Variants in DRC1 observed in about 807,000 individuals in gnomAD.
The protein encoded by DRC1 is dynein regulatory complex protein 1.
Under a neutral mutation model 98.7 loss-of-function variants are expected in DRC1, and 74 were observed. The observed-to-expected ratio is 0.75, with a 90% confidence interval of 0.62 to 0.91. The LOEUF (loss-of-function observed/expected upper bound fraction) is 0.91. DRC1 is among the 40% of genes least tolerant of loss of function. The pLI is 0.00. For synonymous variants in DRC1, 336 were observed against 334.1 expected, an observed-to-expected ratio of 1.01 and a Z score of -0.06; for missense variants, 875 against 886.0, an observed-to-expected ratio of 0.99 and a Z score of 0.16.
chr2:26,427,517 A>G (rs1663317072), intron 4 of DRC1, among the ~76,000 whole-genome samples: 1 of 152,166 alleles, frequency 6.6e-6, no homozygotes, highest in African/African-American at 2.4e-5. Context: ...TGATAATCAC[A>G]TTGGGGTAAA....
chr2:26,415,918 GGA>G (rs1342215564), intron 2 of DRC1, among the ~76,000 whole-genome samples: 2 of 145,884 alleles, frequency 1.4e-5, no homozygotes, highest in African/African-American at 5.2e-5. Context: ...GGTGACAGAG[GGA>G]GACTCTTTCT....
At chr2:26,447,241 T>C (rs1424580328) in intron 10 of DRC1, among the ~76,000 whole-genome samples, 6 of 151,788 alleles carry the variant, frequency 4.0e-5, no homozygotes, top group Non-Finnish European at 7.4e-5. Context: ...GGTGAAACCC[T>C]GTCTCTACTA....
chr2:26,455,400 A>G (rs906040333), intron 16 of DRC1, among the ~76,000 whole-genome samples, 167 bp downstream of exon 16: 1 of 152,188 alleles, frequency 6.6e-6, no homozygotes, highest in Non-Finnish European at 1.5e-5. Context: ...TACTGGCCAA[A>G]GGAGTAGATC....
chr2:26,420,983 C>T lies in DRC1; in HGVS notation c.244-305C>T, dbSNP rs184580773. Among the ~76,000 whole-genome samples the T allele has an allele frequency of 7.9e-5, 12 of 151,522 alleles. No individual in the cohort carries two copies. The East Asian group carries it at 1.4e-3, about 17-fold the overall frequency. On this transcript the variant is annotated intron_variant, in intron 2 of 16. Transcript: ENST00000288710. ...TTCACCATGTTGGCCAAGCTGGTCT[C>T]GAACTCCTGACCTCAAATGCTCCAC... is the stretch of plus-strand genomic sequence containing the variant.
At chr2:26,422,502 G>A (rs1327535257) in intron 3 of DRC1, among the ~76,000 whole-genome samples, 1 of 152,190 alleles carries the variant, frequency 6.6e-6, no homozygotes, top group East Asian at 1.9e-4. Context: ...GTCCAGCAGG[G>A]AGGCATAAGC....
chr2:26,450,112 C>G, intron 12 of DRC1, 27 bp downstream of exon 12: 1 of 1,599,984 alleles, frequency 6.3e-7, no homozygotes, highest in Non-Finnish European at 8.5e-7. Flanking sequence ...TGGGAGGACA[C>G]GGGTGGGGCT....
chr2:26,455,375 G>A, intron 16 of DRC1, 142 bp downstream of exon 16: 1 of 757,780 alleles, frequency 1.3e-6, no homozygotes, highest in South Asian at 1.8e-5. Flanking sequence ...ATCAAGAGTG[G>A]CACCTTGAGA....
rs185503844 is a variant in DRC1 at position 26,410,463 on chromosome 2, G to C, written c.156-3881G>C. Reference sequence around the variant, plus strand: ...ATTTTTGTATTTTTAGTAGAGACAGGGTTTCACCATGTTGGCCAGGCTGGT... The same window carrying C: ...ATTTTTGTATTTTTAGTAGAGACAGCGTTTCACCATGTTGGCCAGGCTGGT... On this transcript the variant is annotated intron_variant, in intron 1 of 16. Coordinates refer to ENST00000288710, the MANE Select transcript of DRC1 (RefSeq NM_145038.5). Among the ~76,000 whole-genome samples the C allele has an allele frequency of 2.8e-3, 424 of 151,886 alleles. 4 individuals are homozygous for C. The highest frequency in any genetic ancestry group is 1.2e-3 in the Non-Finnish European group (83 of 67,978).
At chr2:26,424,726 C>T (rs902527465) in intron 4 of DRC1, among the ~76,000 whole-genome samples, 32 of 152,164 alleles carry the variant, frequency 2.1e-4, no homozygotes, top group Non-Finnish European at 1.5e-4. Context: ...CCGAGGCAGG[C>T]GGATAACTTG....
intron 1 of DRC1, among the ~76,000 whole-genome samples, chr2:26,405,816 A>G (rs1262030243): frequency 1.3e-5 from 2 of 151,850 alleles, no homozygotes; most frequent in Non-Finnish European, 2.9e-5. Context: ...AGCTGCCACC[A>G]CACCCAGCTA....
At position 26,431,916 on chromosome 2, in the gene DRC1, A is replaced by G. The variant is rs879158082; in HGVS notation, c.798A>G (p.Val266=). ...LEYLNNRMKK[V]EDYEKQLNRQ... is the part of the protein sequence containing the mutation. Reference sequence around the variant, plus strand: ...ATCTTAACAACCGCATGAAGAAAGTAGAGGACTATGAGAAGCAGCTGAACA... The same window carrying G: ...ATCTTAACAACCGCATGAAGAAAGTGGAGGACTATGAGAAGCAGCTGAACA... The change falls in exon 7 of 17, where the codon GTA becomes GTG. Residue 266 remains valine, a synonymous_variant. Coordinates refer to ENST00000288710, the MANE Select transcript of DRC1 (RefSeq NM_145038.5). 3 of 1,614,144 alleles carry G rather than the reference A, an allele frequency of 1.9e-6. No homozygotes were observed. The highest frequency in any genetic ancestry group is 2.2e-5 in the East Asian group (1 of 44,882).
intron 3 of DRC1, 139 bp downstream of exon 3, chr2:26,421,539 C>A: frequency 2.1e-6 from 1 of 483,982 alleles, no homozygotes; most frequent in South Asian, 4.3e-5. Flanking sequence ...CCCTCCCTCC[C>A]TCCTCTTCTT....
intron 1 of DRC1, among the ~76,000 whole-genome samples, chr2:26,404,447 G>C (rs1371910578): frequency 4.6e-5 from 7 of 152,214 alleles, no homozygotes; most frequent in Non-Finnish European, 1.0e-4. Context: ...ATTTGCTCTA[G>C]TGAAGCTTAC....
intron 10 of DRC1, among the ~76,000 whole-genome samples, chr2:26,446,029 T>C (rs980988018): frequency 6.6e-6 from 1 of 151,834 alleles, no homozygotes; most frequent in Non-Finnish European, 1.5e-5. Flanking sequence ...CACATTATAC[T>C]TTTCCTGCCT....
intron 2 of DRC1, among the ~76,000 whole-genome samples, chr2:26,419,572 T>A (rs757697134): frequency 1.8e-4 from 28 of 152,206 alleles, no homozygotes; most frequent in Non-Finnish European, 3.7e-4. Flanking sequence ...GGGTTAAAGC[T>A]CTGTTCTGTA....
At chr2:26,413,876 C>T (rs1399710972) in intron 1 of DRC1, among the ~76,000 whole-genome samples, 1 of 151,788 alleles carries the variant, frequency 6.6e-6, no homozygotes, top group Non-Finnish European at 1.5e-5. Flanking sequence ...TAGATATTCT[C>T]CTGTATTTAC....
chr2:26,437,600 A>G (rs929337348), intron 7 of DRC1, among the ~76,000 whole-genome samples: 3 of 152,188 alleles, frequency 2.0e-5, no homozygotes, highest in Admixed American at 6.5e-5. Flanking sequence ...TGACTTAGTC[A>G]TTTCACTTCT....
chr2:26,412,486 G>C (rs1159500782), intron 1 of DRC1, among the ~76,000 whole-genome samples: 1 of 152,122 alleles, frequency 6.6e-6, no homozygotes, highest in Non-Finnish European at 1.5e-5. Flanking sequence ...GAGAGAGCAG[G>C]GTCTTGATGA....
rs116115107 is a variant in DRC1, at chr2:26,444,405, C to T, written c.1163+49C>T. On this transcript the variant is annotated intron_variant, in intron 9 of 16. Transcript: ENST00000288710. ...GGCACTTGTCCTAGCATAGAGGTGACGGGGATGGAGTTTGTACAAGCTGTG... is the reference window on the plus strand; with the variant it reads ...GGCACTTGTCCTAGCATAGAGGTGATGGGGATGGAGTTTGTACAAGCTGTG... The T allele has an allele frequency of 0.034, 54,589 of 1,589,808 alleles. 1,149 individuals carry two copies. Among genetic ancestry groups the T allele is most frequent in the Non-Finnish European group, 0.041 (47,995 of 1,171,336 alleles).
Sources: allele counts gnomAD v4.1 joint callset (sites outside exome capture counted in the v4.1 genomes callset), GRCh38; gene constraint gnomAD v4.1.1; transcripts MANE v1.5; gene names NCBI Gene and HGNC (gene_info 2026-07-23, HGNC 2026-07-21).